RPIA: variants seen among roughly 807,000 people sequenced by gnomAD.
The protein encoded by RPIA is ribose-5-phosphate isomerase.
RPIA carries 29 observed loss-of-function variants against 37.8 expected under a neutral mutation model. The observed-to-expected ratio is 0.77, with a 90% CI of 0.57 to 1.05. The LOEUF (loss-of-function observed/expected upper bound fraction) is 1.05, where lower values mean the gene tolerates loss of function less well. Among genes scored for constraint, RPIA ranks in the 50% least tolerant of loss-of-function variants. The pLI, the probability that RPIA is intolerant of heterozygous loss-of-function variation, is 0.00. For synonymous variants in RPIA, 167 were observed against 157.0 expected, an observed-to-expected ratio of 1.06 and a Z score of -0.48; for missense variants, 385 against 413.6, an observed-to-expected ratio of 0.93 and a Z score of 0.60.
intron 8 of RPIA, 128 bp downstream of exon 8, chr2:88,738,204 T>C (rs1673339301): frequency 1.4e-6 from 1 of 736,948 alleles, no homozygotes; most frequent in Non-Finnish European, 2.4e-6. Flanking sequence ...GAATTCCCTT[T>C]ATACCATGTT....
intron 3 of RPIA, among the ~76,000 whole-genome samples, chr2:88,716,636 T>C (rs1399985170): frequency 6.6e-6 from 1 of 152,214 alleles, no homozygotes; most frequent in East Asian, 1.9e-4. Flanking sequence ...GGAGGAGTCA[T>C]TGAGAGTTCA....
chr2:88,710,622 T>C (rs1672950653), intron 3 of RPIA, among the ~76,000 whole-genome samples: 1 of 152,174 alleles, frequency 6.6e-6, no homozygotes, highest in Non-Finnish European at 1.5e-5. Context: ...TGAGCCCCAT[T>C]TTGGCCAAGT....
Position 88,691,748 on chromosome 2 carries a change from C to T in RPIA, c.50C>T (p.Pro17Leu), listed in dbSNP as rs777508463. The T allele has an allele frequency of 2.5e-5, 40 of 1,595,454 alleles. No individual in the cohort carries two copies. In the South Asian group the frequency reaches 3.9e-4, roughly 15 times the overall value. ...FSTLYGRVLA[P>L]LPGRAGGAAS... ...ACCCTCTACGGGCGGGTCTTGGCCC[C>T]GCTGCCCGGGAGGGCCGGGGGCGCG... Residue 17 changes from proline to leucine, a missense_variant, in exon 1 of 9, where the codon CCG becomes CTG. Physicochemically the swap from Pro to Leu is moderately conservative, Grantham distance 98. Around this residue, in one of 2 missense-constraint regions of RPIA, gnomAD observed 232 missense variants for 203.0 expected, o/e 1.14. Transcript: ENST00000283646.
At chr2:88,696,501 G>T (rs749775336) in intron 1 of RPIA, among the ~76,000 whole-genome samples, 7 of 151,570 alleles carry the variant, frequency 4.6e-5, no homozygotes, top group South Asian at 2.1e-4. Context: ...TGTGTGTGTG[G>T]GGGGGCATTG....
At chr2:88,720,220 A>C (rs1344663886) in intron 3 of RPIA, among the ~76,000 whole-genome samples, 1 of 151,160 alleles carries the variant, frequency 6.6e-6, no homozygotes, top group Non-Finnish European at 1.5e-5. Context: ...ACGTGGATGT[A>C]ATAACCTTAA....
chr2:88,719,463 G>T (rs1673092129), intron 3 of RPIA, among the ~76,000 whole-genome samples: 1 of 151,958 alleles, frequency 6.6e-6, no homozygotes, highest in Admixed American at 6.6e-5. Context: ...AGATTTTAGG[G>T]AACCTGGTAT....
chr2:88,741,402 A>G (rs1015411889), intron 8 of RPIA, among the ~76,000 whole-genome samples: 3 of 152,014 alleles, frequency 2.0e-5, no homozygotes, highest in Non-Finnish European at 2.9e-5. Context: ...ATTCCTTTTT[A>G]TGGCTGAGTA....
At chr2:88,714,724 G>C (rs1673011071) in intron 3 of RPIA, among the ~76,000 whole-genome samples, 1 of 152,184 alleles carries the variant, frequency 6.6e-6, no homozygotes. Flanking sequence ...ATGTAAACTT[G>C]CTTTTAATTC....
chr2:88,695,218 TAATCA>T (rs1672715917), intron 1 of RPIA, among the ~76,000 whole-genome samples: 1 of 152,170 alleles, frequency 6.6e-6, no homozygotes, highest in Non-Finnish European at 1.5e-5. Flanking sequence ...TCTAGCAAGT[TAATCA>T]AACCCAAAGA....
At chr2:88,715,228 G>A (rs1335726069) in intron 3 of RPIA, among the ~76,000 whole-genome samples, 1 of 152,184 alleles carries the variant, frequency 6.6e-6, no homozygotes, top group Non-Finnish European at 1.5e-5. Context: ...GGAGATGATT[G>A]GAAAGAGTGC....
At chr2:88,727,148 G>GCCAGTCTGCAGCCTTACCC (rs1673209267) in intron 3 of RPIA, among the ~76,000 whole-genome samples, 1 of 152,148 alleles carries the variant, frequency 6.6e-6, no homozygotes, top group African/African-American at 2.4e-5. Context: ...AGAGGAGCAT[G>GCCAGTCTGCAGCCTTACCC]CCAGTCTGCA....
intron 3 of RPIA, among the ~76,000 whole-genome samples, chr2:88,713,153 CTTTTTT>C (rs1175205465): frequency 1.2e-4 from 3 of 24,296 alleles, no homozygotes; most frequent in African/African-American, 6.5e-4. Flanking sequence ...ACGAGTAGGC[CTTTTTT>C]TTTTTTTTTT....
intron 8 of RPIA, 28 bp downstream of exon 8, chr2:88,738,104 A>G (rs776203731): frequency 6.7e-7 from 1 of 1,490,606 alleles, no homozygotes; most frequent in South Asian, 1.1e-5. Context: ...CACCAGTCAT[A>G]TACACACCCA....
chr2:88,700,032 C>T lies in RPIA; in HGVS notation c.370C>T (p.Leu124=), dbSNP rs989908115. The T allele has an allele frequency of 1.2e-6, 2 of 1,614,172 alleles. No individual in the cohort carries two copies. Among genetic ancestry groups the T allele is most frequent in the Non-Finnish European group, 1.7e-6 (2 of 1,180,026 alleles). ...RIAERVKQEN[L]NLVCIPTSFQ... ...AGCTGAAAGGGTGAAGCAAGAGAATCTGAACCTCGTCTGTATTCCCACTTC... is the reference window on the plus strand; with the variant it reads ...AGCTGAAAGGGTGAAGCAAGAGAATTTGAACCTCGTCTGTATTCCCACTTC... Residue 124 remains leucine (L), a synonymous_variant, in exon 3 of 9, where the codon CTG becomes TTG. Coordinates refer to ENST00000283646, the MANE Select transcript of RPIA (RefSeq NM_144563.3).
intron 3 of RPIA, 147 bp downstream of exon 3, chr2:88,700,211 C>A (rs1672811317): frequency 6.3e-6 from 5 of 789,278 alleles, no homozygotes; most frequent in African/African-American, 1.7e-5. Context: ...ACCAAGGATT[C>A]CTTCTTGGAA....
intron 8 of RPIA, among the ~76,000 whole-genome samples, chr2:88,740,997 G>T (rs79140613): frequency 6.6e-6 from 1 of 152,004 alleles, no homozygotes; most frequent in African/African-American, 2.4e-5. Context: ...TTGGCTTTTC[G>T]TCACTCGATC....
At chr2:88,695,000 A>G (rs1000451583) in intron 1 of RPIA, among the ~76,000 whole-genome samples, 2 of 151,848 alleles carry the variant, frequency 1.3e-5, no homozygotes, top group African/African-American at 4.8e-5. Context: ...AAAAAAGAAA[A>G]AGAAAAAGAA....
At chr2:88,710,360 A>G (rs527818910) in intron 3 of RPIA, among the ~76,000 whole-genome samples, 1 of 152,328 alleles carries the variant, frequency 6.6e-6, no homozygotes, top group South Asian at 2.1e-4. Context: ...CAGTTCTGAA[A>G]GGAAAGAATA....
intron 3 of RPIA, among the ~76,000 whole-genome samples, chr2:88,701,585 C>T (rs1263894260): frequency 6.4e-3 from 1 of 156 alleles, no homozygotes; most frequent in Non-Finnish European, 0.013. Flanking sequence ...TTGCTCTTTA[C>T]ATGGACATAC....
Sources: gnomAD v4.1 joint callset for allele counts (sites outside exome capture counted in the v4.1 genomes callset) on GRCh38, gnomAD v4.1.1 for gene constraint, gnomAD v4.1.1 regional missense constraint, MANE v1.5 for transcripts, NCBI Gene and HGNC (gene_info 2026-07-23, HGNC 2026-07-21) for gene names.